TRAPPC9: variants seen among roughly 807,000 people sequenced by gnomAD.
TRAPPC9 encodes the protein trafficking protein particle complex subunit 9.
A neutral mutation model predicts 124.0 loss-of-function variants in TRAPPC9; 83 were observed. That is an observed-to-expected ratio of 0.67 (90% CI 0.56 to 0.80). The LOEUF is 0.80. Among genes scored for constraint, TRAPPC9 ranks in the 30% least tolerant of loss-of-function variants. The probability of loss-of-function intolerance (pLI) is 0.00; values close to 1 mark genes in which losing one functional copy is unlikely to be tolerated. For synonymous variants in TRAPPC9, 638 were observed against 617.5 expected (o/e 1.03, Z -0.49); for missense variants, 1,302 against 1,508.3 (o/e 0.86, Z 2.27).
chr8:139,856,614 G>A (rs1657242423), intron 21 of TRAPPC9, among the ~76,000 whole-genome samples: 3 of 152,050 alleles, frequency 2.0e-5, no homozygotes, highest in Non-Finnish European at 4.4e-5. Context: ...GTGCAAAATG[G>A]ATTTGTGAAT....
At chr8:139,954,608 T>C (rs1834861437) in intron 19 of TRAPPC9, among the ~76,000 whole-genome samples, 1 of 152,222 alleles carries the variant, frequency 6.6e-6, no homozygotes, top group African/African-American at 2.4e-5. Flanking sequence ...TTCTAAATCA[T>C]CTAAATGGCC....
chr8:140,024,415 T>G (rs1237855780), intron 17 of TRAPPC9, among the ~76,000 whole-genome samples: 10 of 142,250 alleles, frequency 7.0e-5, no homozygotes, highest in South Asian at 4.5e-4. Flanking sequence ...TTTTTTTTTT[T>G]GGAGATGGAG....
intron 10 of TRAPPC9, among the ~76,000 whole-genome samples, chr8:140,307,735 T>C (rs1394159600): frequency 6.6e-6 from 1 of 152,192 alleles, no homozygotes; most frequent in African/African-American, 2.4e-5. Flanking sequence ...AGAAGCCTAC[T>C]CGAATCTGTC....
In TRAPPC9 at chr8:140,383,604, G is replaced by A. The variant is rs561855034; in HGVS notation, c.1135-12424C>T. ...TGAATGAAATGAAGGGAGAAGAGAA[G>A]TTTAGAGAAAAAAGAATAAAAAGAA... On this transcript the variant is annotated intron_variant, in intron 7 of 22. Coordinates refer to ENST00000438773, the MANE Select transcript of TRAPPC9 (RefSeq NM_001160372.4). 1.1e-4 allele frequency among the ~76,000 whole-genome samples: 16 copies of A among 152,268 alleles called. No homozygotes were observed. In the South Asian group the frequency reaches 3.3e-3, roughly 32 times the overall value.
At chr8:140,113,572 T>C (rs2060822337) in intron 17 of TRAPPC9, among the ~76,000 whole-genome samples, 1 of 151,796 alleles carries the variant, frequency 6.6e-6, no homozygotes, top group Non-Finnish European at 1.5e-5. Context: ...TCAGAGGGAG[T>C]CCTGGGCGTG....
intron 21 of TRAPPC9, among the ~76,000 whole-genome samples, chr8:139,743,984 C>A (rs1277987192): frequency 6.6e-6 from 1 of 152,156 alleles, no homozygotes; most frequent in African/African-American, 2.4e-5. Flanking sequence ...CTTCAGTGAC[C>A]GTACACTCAC....
intron 17 of TRAPPC9, among the ~76,000 whole-genome samples, chr8:140,176,844 CA>C (rs2062081942): frequency 6.6e-6 from 1 of 152,214 alleles, no homozygotes; most frequent in Non-Finnish European, 1.5e-5. Context: ...TTTAGTCATT[CA>C]AATGGATCGC....
At chr8:139,847,087 G>C (rs1827132289) in intron 21 of TRAPPC9, among the ~76,000 whole-genome samples, 1 of 152,214 alleles carries the variant, frequency 6.6e-6, no homozygotes, top group Non-Finnish European at 1.5e-5. Context: ...AGCAACTGTG[G>C]GTGCGCAGCA....
At chr8:140,144,488 A>G (rs1183282441) in intron 17 of TRAPPC9, among the ~76,000 whole-genome samples, 1 of 151,770 alleles carries the variant, frequency 6.6e-6, no homozygotes, top group Non-Finnish European at 1.5e-5. Flanking sequence ...TCATTCATTC[A>G]TTCATTCATT....
chr8:140,157,221 A>G (rs36192440), intron 17 of TRAPPC9, among the ~76,000 whole-genome samples: 304 of 28,240 alleles, frequency 0.011, 13 homozygotes, highest in Admixed American at 0.015. Flanking sequence ...TTTCCATTCA[A>G]AAGCCTCCCT....
intron 21 of TRAPPC9, among the ~76,000 whole-genome samples, chr8:139,803,184 T>C (rs575799288): frequency 6.6e-6 from 1 of 152,198 alleles, no homozygotes; most frequent in South Asian, 2.1e-4. Context: ...GTGTATGTCA[T>C]TGTGTGTGCA....
chr8:140,281,991 C>T (rs767215182), intron 14 of TRAPPC9, among the ~76,000 whole-genome samples: 14 of 152,146 alleles, frequency 9.2e-5, no homozygotes, highest in Non-Finnish European at 1.9e-4. Context: ...GATTATTCGG[C>T]GACTTGTCAA....
chr8:140,006,937 A>G (rs1563684110), intron 18 of TRAPPC9, among the ~76,000 whole-genome samples: 1 of 152,160 alleles, frequency 6.6e-6, no homozygotes, highest in Non-Finnish European at 1.5e-5. Context: ...AATATACTAA[A>G]ACGTTGAATT....
At chr8:139,768,036 C>G (rs949978452) in intron 21 of TRAPPC9, among the ~76,000 whole-genome samples, 3 of 151,926 alleles carry the variant, frequency 2.0e-5, no homozygotes, top group Admixed American at 6.6e-5. Context: ...ATTAATATGG[C>G]CAGATTTATA....
At chr8:140,176,222 CT>C (rs1393534430) in intron 17 of TRAPPC9, among the ~76,000 whole-genome samples, 5 of 152,304 alleles carry the variant, frequency 3.3e-5, no homozygotes, top group Admixed American at 3.3e-4. Flanking sequence ...AAAACCACCC[CT>C]AATAAATTAA....
intron 17 of TRAPPC9, among the ~76,000 whole-genome samples, chr8:140,195,804 C>T (rs1354709905): frequency 1.3e-5 from 2 of 149,450 alleles, no homozygotes; most frequent in African/African-American, 2.5e-5. Flanking sequence ...CACATACAGA[C>T]CACACCTGTG....
intron 16 of TRAPPC9, among the ~76,000 whole-genome samples, chr8:140,228,365 T>C (rs923888943): frequency 6.6e-6 from 1 of 152,210 alleles, no homozygotes; most frequent in Admixed American, 6.5e-5. Context: ...TCATAAAATA[T>C]CCTCAAGAAA....
At chr8:140,098,899 C>G (rs370277678) in intron 17 of TRAPPC9, 1 of 151,958 alleles carries the variant, frequency 6.6e-6, no homozygotes, top group Non-Finnish European at 1.5e-5. Flanking sequence ...CCTCCGCAGC[C>G]GTGCACAGGG....
At chr8:140,059,516 G>T (rs1842472644) in intron 17 of TRAPPC9, among the ~76,000 whole-genome samples, 1 of 152,182 alleles carries the variant, frequency 6.6e-6, no homozygotes. Flanking sequence ...AACTTTAAAA[G>T]AAACTGATGA....
Sources: gnomAD v4.1 joint callset for allele counts (sites outside exome capture counted in the v4.1 genomes callset) on GRCh38, gnomAD v4.1.1 for gene constraint, MANE v1.5 for transcripts, NCBI Gene and HGNC (gene_info 2026-07-23, HGNC 2026-07-21) for gene names.